CORO2B: variants seen among roughly 807,000 people sequenced by gnomAD.
CORO2B encodes the protein coronin 2B, also known as coronin-2B.
Under a neutral mutation model 58.8 loss-of-function variants are expected in CORO2B, and 26 were observed. That is an observed-to-expected ratio of 0.44 (90% confidence interval 0.32 to 0.61). CORO2B has a LOEUF of 0.61. Ranked by LOEUF, CORO2B falls within the 20% of genes least tolerant of loss-of-function variation. The probability of loss-of-function intolerance (pLI) is 0.04; values close to 1 mark genes in which losing one functional copy is unlikely to be tolerated. For missense variants in CORO2B, 460 were observed against 645.1 expected (o/e 0.71, Z 3.11); for synonymous variants, 242 against 253.8 (o/e 0.95, Z 0.44).
chr15:68,539,636 G>C, the CORO2B span, among the ~76,000 whole-genome samples: 2 of 152,102 alleles, frequency 1.3e-5, no homozygotes, highest in African/African-American at 4.8e-5. Flanking sequence ...GATTGAGTCT[G>C]CCAGGGTGAC....
At chr15:68,713,783 A>G (rs570249380) in intron 5 of CORO2B, 142 bp from the exon 6 acceptor site, 1 of 645,474 alleles carries the variant, frequency 1.5e-6, no homozygotes, top group East Asian at 2.6e-5. Context: ...CCACATCTGC[A>G]AGGACCCTTT....
chr15:68,686,963 C>T (rs920677360), intron 2 of CORO2B, among the ~76,000 whole-genome samples: 1 of 152,086 alleles, frequency 6.6e-6, no homozygotes, highest in African/African-American at 2.4e-5. Flanking sequence ...GCACTTTGCA[C>T]TCACTCATCA....
the CORO2B span, among the ~76,000 whole-genome samples, chr15:68,524,582 T>C: frequency 2.6e-5 from 4 of 152,178 alleles, no homozygotes; most frequent in East Asian, 1.9e-4. Flanking sequence ...GTGGAGAAAG[T>C]AGGGATATTT....
intron 2 of CORO2B, among the ~76,000 whole-genome samples, chr15:68,684,872 G>A: frequency 6.6e-6 from 1 of 152,192 alleles, no homozygotes; most frequent in Admixed American, 6.5e-5. Flanking sequence ...TGGGGGAGAA[G>A]GACTACAATA....
chr15:68,590,888 C>T (rs1899686654), intron 1 of CORO2B, among the ~76,000 whole-genome samples: 1 of 152,078 alleles, frequency 6.6e-6, no homozygotes, highest in Non-Finnish European at 1.5e-5. Flanking sequence ...TCCTCTCCAC[C>T]CTGGCTGCCC....
chr15:68,608,757 C>T (rs1396300566), intron 1 of CORO2B, among the ~76,000 whole-genome samples: 5 of 152,176 alleles, frequency 3.3e-5, no homozygotes, highest in East Asian at 3.9e-4. Flanking sequence ...CCCAGACTCC[C>T]GAATGCCCTT....
chr15:68,706,826 C>T (rs1892797103), intron 3 of CORO2B, among the ~76,000 whole-genome samples: 1 of 152,116 alleles, frequency 6.6e-6, no homozygotes, highest in Non-Finnish European at 1.5e-5. Context: ...CTTCCCCTGC[C>T]TTAGCCTTCC....
chr15:68,607,021 G>C (rs1900141324), intron 1 of CORO2B, among the ~76,000 whole-genome samples: 1 of 152,172 alleles, frequency 6.6e-6, no homozygotes, highest in Admixed American at 6.5e-5. Context: ...AACATCTTGA[G>C]TCTCCCCTGG....
intron 1 of CORO2B, among the ~76,000 whole-genome samples, chr15:68,624,766 C>G (rs1900630278): frequency 6.6e-6 from 1 of 151,892 alleles, no homozygotes; most frequent in South Asian, 2.1e-4. Context: ...GATCTCGGCT[C>G]ACTGCAACCT....
chr15:68,636,363 G>A (rs1243934637), intron 1 of CORO2B, among the ~76,000 whole-genome samples: 1 of 152,182 alleles, frequency 6.6e-6, no homozygotes, highest in Non-Finnish European at 1.5e-5. Flanking sequence ...AAGGCTGCAG[G>A]GATTCAGGGC....
intron 1 of CORO2B, among the ~76,000 whole-genome samples, chr15:68,616,964 CA>C (rs1405066397): frequency 6.6e-6 from 1 of 152,342 alleles, no homozygotes; most frequent in Admixed American, 6.5e-5. Context: ...CTAAAGTTTA[CA>C]AACACTAGGT....
rs535859995 is a variant in CORO2B, at chr15:68,591,321, C to T, written c.15+12044C>T. Among the ~76,000 whole-genome samples, 20 of 152,234 alleles carry T rather than the reference C, an allele frequency of 1.3e-4. No homozygotes were observed. In the East Asian group the frequency reaches 3.7e-3, roughly 28 times the overall value. On this transcript the variant is annotated intron_variant, in intron 1 of 11. Transcript: ENST00000261861. ...AAGGCATTCCAGGTTGAGCGGGCAG[C>T]GTGAACAAAGGAATGGAAGGGGAAA...
At chr15:68,674,121 A>G (rs1157223569) in intron 2 of CORO2B, among the ~76,000 whole-genome samples, 2 of 152,168 alleles carry the variant, frequency 1.3e-5, no homozygotes, top group African/African-American at 2.4e-5. Context: ...TGGTCGGCTC[A>G]GTTCCCTCCC....
At chr15:68,693,384 T>C (rs1892432476) in intron 2 of CORO2B, among the ~76,000 whole-genome samples, 4 of 152,182 alleles carry the variant, frequency 2.6e-5, no homozygotes, top group Admixed American at 2.6e-4. Context: ...CAGAAATTGG[T>C]TCTCCTCCTC....
Position 68,605,727 on chromosome 15 carries a change from T to G in CORO2B, c.15+26450T>G, listed in dbSNP as rs1292273239. On this transcript the variant is annotated intron_variant, in intron 1 of 11. Coordinates refer to ENST00000261861, the MANE Select transcript of CORO2B (RefSeq NM_006091.5). ...GGCTCTTGGGTTTTTTTTTTTTTTT[T>G]TTTTTTTTTTTTTGAGATGGAGTCT... Among the ~76,000 whole-genome samples the G allele has an allele frequency of 7.8e-4, 110 of 140,378 alleles. 1 individual carries two copies. The highest frequency in any genetic ancestry group is 2.6e-3 in the African/African-American group (98 of 37,412). The allele number at this position is 140,378 out of a possible 152,430, so 92.1% of individuals were successfully genotyped here. A position where few individuals can be genotyped will look rare whatever the true frequency, so the allele number is the denominator to read the frequency against.
chr15:68,575,582 C>CCCCCA (rs1566975519), upstream of CORO2B, among the ~76,000 whole-genome samples: 13 of 96,840 alleles, frequency 1.3e-4, 1 homozygote, highest in African/African-American at 3.5e-4. Flanking sequence ...GATCTGCCCC[C>CCCCCA]GCCTCGGCCT....
chr15:68,727,575 G>C lies in CORO2B; in HGVS notation c.*1601G>C, dbSNP rs1460156483. Reference sequence around the variant, plus strand: ...ATCCACAGAGGCCAGGGCTACCCAAGCCCCTCCAGGTGAGCTGGGCCTTTC... The same window carrying C: ...ATCCACAGAGGCCAGGGCTACCCAACCCCCTCCAGGTGAGCTGGGCCTTTC... On this transcript the variant is annotated 3_prime_UTR_variant, in exon 12 of 12. Coordinates refer to ENST00000261861, the MANE Select transcript of CORO2B (RefSeq NM_006091.5). 6.6e-6 allele frequency: 1 copy of C among 152,464 alleles called. No homozygotes were observed. The highest frequency in any genetic ancestry group is 1.9e-4 in the East Asian group (1 of 5,166). The allele number at this position is 152,464 out of a possible 1,614,324, so 9.4% of individuals were successfully genotyped here.
the CORO2B span, among the ~76,000 whole-genome samples, chr15:68,549,736 C>T: frequency 2.0e-5 from 3 of 152,050 alleles, no homozygotes; most frequent in African/African-American, 4.8e-5. Context: ...GTCAGGAGTT[C>T]GAGAGCAGCC....
At chr15:68,644,542 C>G (rs1164859507) in intron 1 of CORO2B, among the ~76,000 whole-genome samples, 1 of 152,112 alleles carries the variant, frequency 6.6e-6, no homozygotes, top group Non-Finnish European at 1.5e-5. Context: ...AGCTGTGTAG[C>G]CTTGGACAAG....
Sources: allele counts gnomAD v4.1 joint callset (sites outside exome capture counted in the v4.1 genomes callset), GRCh38; gene constraint gnomAD v4.1.1; transcripts MANE v1.5; gene names NCBI Gene and HGNC (gene_info 2026-07-23, HGNC 2026-07-21).